LDLRAD3: variants seen among roughly 807,000 people sequenced by gnomAD.
The protein encoded by LDLRAD3 is low-density lipoprotein receptor class A domain-containing protein 3.
In LDLRAD3, 20 loss-of-function variants were observed where a neutral mutation model predicts 29.4. The observed-to-expected ratio is 0.68, with a 90% confidence interval of 0.48 to 0.99. The LOEUF (loss-of-function observed/expected upper bound fraction) is 0.99, where lower values mean the gene tolerates loss of function less well. Ranked by LOEUF, LDLRAD3 falls within the 50% of genes least tolerant of loss-of-function variation. The pLI is 0.00. For missense variants in LDLRAD3, 420 were observed against 454.3 expected (o/e 0.92, Z 0.69); for synonymous variants, 157 against 192.7 (o/e 0.81, Z 1.53).
At chr11:36,133,120 T>C (rs1032682940) in intron 4 of LDLRAD3, among the ~76,000 whole-genome samples, 15 of 152,224 alleles carry the variant, frequency 9.9e-5, no homozygotes, top group African/African-American at 3.1e-4. Flanking sequence ...TTAGCTCTCC[T>C]TTTGCATTTT....
At chr11:36,212,189 G>A (rs980836581) in intron 4 of LDLRAD3, among the ~76,000 whole-genome samples, 3 of 152,188 alleles carry the variant, frequency 2.0e-5, no homozygotes, top group South Asian at 2.1e-4. Flanking sequence ...GAAGCCACTC[G>A]ATGCAGAGGA....
intron 2 of LDLRAD3, among the ~76,000 whole-genome samples, chr11:36,077,172 C>A (rs969749923): frequency 6.6e-6 from 1 of 152,226 alleles, no homozygotes; most frequent in Non-Finnish European, 1.5e-5. Context: ...TGTCTGATAT[C>A]AGTTCCCCAT....
At chr11:36,143,009 T>C (rs184031692) in intron 4 of LDLRAD3, among the ~76,000 whole-genome samples, 35 of 152,336 alleles carry the variant, frequency 2.3e-4, no homozygotes, top group African/African-American at 8.4e-4. Context: ...TTAATATACA[T>C]AACAAACATT....
intron 4 of LDLRAD3, among the ~76,000 whole-genome samples, chr11:36,201,848 T>C (rs1161997512): frequency 6.6e-6 from 1 of 152,204 alleles, no homozygotes; most frequent in African/African-American, 2.4e-5. Flanking sequence ...TTCTCAACTC[T>C]TCCTTTAATT....
chr11:36,092,175 T>G (rs1001942070), intron 3 of LDLRAD3, among the ~76,000 whole-genome samples: 4 of 152,226 alleles, frequency 2.6e-5, no homozygotes, highest in Non-Finnish European at 5.9e-5. Flanking sequence ...AGGGTCATTC[T>G]TAGGAACATT....
intron 4 of LDLRAD3, among the ~76,000 whole-genome samples, chr11:36,137,897 G>A (rs190098961): frequency 6.6e-6 from 1 of 152,340 alleles, no homozygotes; most frequent in Admixed American, 6.5e-5. Flanking sequence ...TGTTTTGTCT[G>A]TATTCACAGA....
rs145977465 is a variant in LDLRAD3, at chr11:36,095,990, T to TGGCTGAAGTCAGACCTCGGTTTC, written c.320-2336_320-2314dup. 7.3e-3 allele frequency among the ~76,000 whole-genome samples: 1,113 copies of TGGCTGAAGTCAGACCTCGGTTTC among 152,276 alleles called. 57 individuals are homozygous for TGGCTGAAGTCAGACCTCGGTTTC. The East Asian group carries it at 0.14, about 19-fold the overall frequency. On this transcript the variant is annotated intron_variant, in intron 3 of 5. Coordinates refer to ENST00000315571, the MANE Select transcript of LDLRAD3 (RefSeq NM_174902.4). ...GTTTTGGATTTCTCCATCTCGGTTT[T>TGGCTGAAGTCAGACCTCGGTTTC]GGCTGAAGTCAGACCTCGGTTTCAG... is the stretch of plus-strand genomic sequence containing the variant.
At chr11:36,149,499 G>A (rs371988456) in intron 4 of LDLRAD3, among the ~76,000 whole-genome samples, 2 of 152,174 alleles carry the variant, frequency 1.3e-5, no homozygotes, top group Non-Finnish European at 2.9e-5. Context: ...AAGAAGCACC[G>A]TCTGTGTCTG....
At chr11:36,198,677 TC>T (rs1370759214) in intron 4 of LDLRAD3, among the ~76,000 whole-genome samples, 3 of 152,304 alleles carry the variant, frequency 2.0e-5, no homozygotes, top group South Asian at 4.1e-4. Flanking sequence ...GCTCTGGACT[TC>T]CATCTATTTG....
intron 1 of LDLRAD3, among the ~76,000 whole-genome samples, chr11:35,977,474 G>C (rs1242660032): frequency 6.6e-6 from 1 of 152,080 alleles, no homozygotes; most frequent in Non-Finnish European, 1.5e-5. Context: ...ATTATGAAGG[G>C]AAGAGGACCA....
chr11:36,057,416 T>C (rs370057126), intron 2 of LDLRAD3, among the ~76,000 whole-genome samples: 2 of 152,336 alleles, frequency 1.3e-5, no homozygotes, highest in African/African-American at 4.8e-5. Flanking sequence ...CCCCAAACTC[T>C]TCCTCAAGCT....
Position 36,227,278 on chromosome 11 carries a change from G to A in LDLRAD3, c.648G>A (p.Leu216=), listed in dbSNP as rs1158579811. 2 of 1,614,152 alleles carry A rather than the reference G, an allele frequency of 1.2e-6. No homozygotes were observed. Among genetic ancestry groups the A allele is most frequent in the African/African-American group, 1.3e-5 (1 of 75,060 alleles). The change falls in exon 5 of 6, where the codon CTG becomes CTA. Residue 216 remains leucine, a synonymous_variant. Coordinates refer to ENST00000315571, the MANE Select transcript of LDLRAD3 (RefSeq NM_174902.4). ...LPVHRLQHPV[L]LSRLVVLDHP... is the part of the protein sequence containing the mutation. ...TGCACCGGCTGCAGCACCCTGTGCT[G>A]CTGTCCCGCCTGGTGGTCCTGGACC...
chr11:36,094,191 C>T (rs1853324507), intron 3 of LDLRAD3, among the ~76,000 whole-genome samples: 1 of 152,214 alleles, frequency 6.6e-6, no homozygotes. Context: ...TGCTTTCCTC[C>T]CTCACTATTG....
intron 1 of LDLRAD3, among the ~76,000 whole-genome samples, chr11:36,025,505 C>T (rs1852152918): frequency 6.6e-6 from 1 of 151,428 alleles, no homozygotes; most frequent in Admixed American, 6.6e-5. Context: ...TCTCCTGCCT[C>T]AGCCTCCCGA....
At chr11:36,064,194 AT>A (rs1470863341) in intron 2 of LDLRAD3, among the ~76,000 whole-genome samples, 2 of 152,160 alleles carry the variant, frequency 1.3e-5, no homozygotes, top group Non-Finnish European at 2.9e-5. Context: ...TGTTTTCATA[AT>A]TTCATTTTTG....
chr11:36,209,353 CTTTTTT>C (rs71044560), intron 4 of LDLRAD3, among the ~76,000 whole-genome samples: 3 of 68,602 alleles, frequency 4.4e-5, no homozygotes, highest in African/African-American at 1.2e-4. Context: ...AGAAACTGTA[CTTTTTT>C]TTTTTTTTTT....
chr11:35,962,806 T>A, intron 1 of LDLRAD3, among the ~76,000 whole-genome samples: 1 of 152,110 alleles, frequency 6.6e-6, no homozygotes, highest in Non-Finnish European at 1.5e-5. Context: ...AAAAGGACAT[T>A]TAGTGGATTC....
intron 2 of LDLRAD3, among the ~76,000 whole-genome samples, chr11:36,074,682 C>T (rs566368820): frequency 7.9e-5 from 12 of 152,266 alleles, no homozygotes; most frequent in African/African-American, 2.6e-4. Context: ...ACACTCTCAG[C>T]GTAGATGGCA....
intron 4 of LDLRAD3, among the ~76,000 whole-genome samples, chr11:36,199,332 C>A (rs1855082826): frequency 1.3e-5 from 2 of 152,208 alleles, no homozygotes; most frequent in African/African-American, 4.8e-5. Context: ...TGGATTGTTT[C>A]TTCTGAAATT....
Sources: gnomAD v4.1 joint callset for allele counts (sites outside exome capture counted in the v4.1 genomes callset) on GRCh38, gnomAD v4.1.1 for gene constraint, MANE v1.5 for transcripts, NCBI Gene and HGNC (gene_info 2026-07-23, HGNC 2026-07-21) for gene names.